Variants in SH3PXD2B observed in about 807,000 individuals in gnomAD.
SH3PXD2B encodes SH3 and PX domains 2B, also known as SH3 and PX domain-containing protein 2B.
A neutral mutation model predicts 73.1 loss-of-function variants in SH3PXD2B; 37 were observed. That is an observed-to-expected ratio of 0.51 (90% CI 0.39 to 0.67). The LOEUF (loss-of-function observed/expected upper bound fraction) is 0.67. SH3PXD2B is among the 30% of genes least tolerant of loss of function. The pLI is 0.00. For synonymous variants in SH3PXD2B, 457 were observed against 480.5 expected, an observed-to-expected ratio of 0.95 and a Z score of 0.64; for missense variants, 1,053 against 1,197.8, an observed-to-expected ratio of 0.88 and a Z score of 1.78.
Position 172,368,885 on chromosome 5 carries a change from A to T in SH3PXD2B, c.427+4905T>A, listed in dbSNP as rs866376608. ...TATATGTTTTTAAATATATAATATA[A>T]AAAAAAATATATATATATATATTTT... On this transcript the variant is annotated intron_variant, in intron 6 of 12. Coordinates refer to ENST00000311601, the MANE Select transcript of SH3PXD2B (RefSeq NM_001017995.3). Among the ~76,000 whole-genome samples the T allele has an allele frequency of 1.0e-3, 128 of 126,576 alleles. 1 individual carries two copies. Among genetic ancestry groups the T allele is most frequent in the African/African-American group, 1.8e-3 (57 of 31,274 alleles). The allele number at this position is 126,576 out of a possible 152,430, so 83.0% of individuals were successfully genotyped here. A position where few individuals can be genotyped will look rare whatever the true frequency, so the allele number is the denominator to read the frequency against.
At chr5:172,422,758 A>T (rs1386634559) in intron 1 of SH3PXD2B, among the ~76,000 whole-genome samples, 1 of 152,212 alleles carries the variant, frequency 6.6e-6, no homozygotes, top group Non-Finnish European at 1.5e-5. Flanking sequence ...GCTCAGGAGA[A>T]GCTGCTGTTT....
intron 4 of SH3PXD2B, among the ~76,000 whole-genome samples, chr5:172,391,088 G>A (rs558543833): frequency 5.3e-5 from 8 of 152,062 alleles, no homozygotes; most frequent in Middle Eastern, 3.4e-3. Context: ...TGATCCACCC[G>A]CCTCAGCCTC....
At chr5:172,409,709 TTTTTC>T (rs947797451) in intron 2 of SH3PXD2B, among the ~76,000 whole-genome samples, 1 of 152,194 alleles carries the variant, frequency 6.6e-6, no homozygotes, top group Non-Finnish European at 1.5e-5. Flanking sequence ...TTTCTTTTTC[TTTTTC>T]TTTTCTTTTC....
intron 5 of SH3PXD2B, among the ~76,000 whole-genome samples, chr5:172,381,126 A>T (rs1323116729): frequency 2.6e-5 from 4 of 152,258 alleles, no homozygotes; most frequent in Non-Finnish European, 5.9e-5. Flanking sequence ...TGCTTGGCAC[A>T]CTGCCCGCCA....
intron 10 of SH3PXD2B, among the ~76,000 whole-genome samples, chr5:172,348,682 T>TCTATCTATCTATCTATCTATCTATC (rs1757075479): frequency 2.3e-5 from 1 of 43,614 alleles, no homozygotes. Context: ...TATCTATCTA[T>TCTATCTATCTATCTATCTATCTATC]CTATCTATCT....
chr5:172,378,827 T>C (rs1757877166), intron 5 of SH3PXD2B, among the ~76,000 whole-genome samples: 1 of 152,016 alleles, frequency 6.6e-6, no homozygotes, highest in Admixed American at 6.5e-5. Flanking sequence ...TCCCAGCACT[T>C]TGGGAGGCCA....
intron 2 of SH3PXD2B, among the ~76,000 whole-genome samples, chr5:172,416,351 G>A (rs897571788): frequency 4.1e-5 from 6 of 148,056 alleles, no homozygotes; most frequent in East Asian, 2.0e-4. Flanking sequence ...TTTTTGAGAC[G>A]GAGTTTCGCT....
rs376006868 is a variant in SH3PXD2B at position 172,349,383 on chromosome 5, C to T, written c.1012+980G>A. Among the ~76,000 whole-genome samples, 10 of 152,368 alleles carry T rather than the reference C, an allele frequency of 6.6e-5. No individual in the cohort carries two copies. In the East Asian group the frequency reaches 1.5e-3, roughly 23 times the overall value. ...ACTGTGCGTAAGTCCTGGGCACCAG[C>T]GTGCCCATGCAGACATGGTATGGTA... On this transcript the variant is annotated intron_variant, in intron 10 of 12. Coordinates refer to ENST00000311601, the MANE Select transcript of SH3PXD2B (RefSeq NM_001017995.3).
At chr5:172,328,440 C>T (rs1035431) in intron 12 of SH3PXD2B, among the ~76,000 whole-genome samples, 90,166 of 151,860 alleles carry the variant, frequency 0.59, 27,453 homozygotes, top group South Asian at 0.83. Flanking sequence ...CTCAAATGAT[C>T]CTCCTGCCTT....
chr5:172,341,010 T>C (rs1193507614), intron 12 of SH3PXD2B, among the ~76,000 whole-genome samples: 1 of 152,196 alleles, frequency 6.6e-6, no homozygotes. Context: ...GTGTCCCTAC[T>C]TCCCTGTGGG....
Position 172,336,887 on chromosome 5 carries a change from G to A in SH3PXD2B, c.*1482C>T, listed in dbSNP as rs899238785. 3.0e-6 allele frequency: 3 copies of A among 985,306 alleles called. No individual in the cohort carries two copies. In the African/African-American group the frequency reaches 5.2e-5, roughly 17 times the overall value. 61.0% of individuals were successfully genotyped at this position (985,306 alleles called of 1,614,324 possible). A position where few individuals can be genotyped will look rare whatever the true frequency, so the allele number is the denominator to read the frequency against. On this transcript the variant is annotated 3_prime_UTR_variant, in exon 13 of 13. Coordinates refer to ENST00000311601, the MANE Select transcript of SH3PXD2B (RefSeq NM_001017995.3). The stretch of plus-strand genomic sequence containing the variant: ...CACATCTGCCCTGGGTTTCTTCAAG[G>A]GAGAAAACAGATTTGGCAGTGCGTG...
chr5:172,436,786 C>T (rs1759398944), intron 1 of SH3PXD2B, among the ~76,000 whole-genome samples: 2 of 152,234 alleles, frequency 1.3e-5, no homozygotes, highest in Admixed American at 6.5e-5. Flanking sequence ...TTGCTAAAGC[C>T]GTCCTGCTCT....
intron 5 of SH3PXD2B, among the ~76,000 whole-genome samples, chr5:172,380,120 C>T (rs565801819): frequency 6.6e-6 from 1 of 152,104 alleles, no homozygotes; most frequent in African/African-American, 2.4e-5. Flanking sequence ...GCAGTGGCGG[C>T]GATCACTGCT....
chr5:172,361,612 C>T (rs1012427842), intron 7 of SH3PXD2B, among the ~76,000 whole-genome samples: 10 of 152,200 alleles, frequency 6.6e-5, no homozygotes, highest in African/African-American at 2.4e-4. Flanking sequence ...ACAATCTGCA[C>T]ACACTCATTC....
chr5:172,328,645 G>A (rs1284654016), downstream of SH3PXD2B, among the ~76,000 whole-genome samples: 3 of 152,130 alleles, frequency 2.0e-5, no homozygotes, highest in Non-Finnish European at 4.4e-5. Flanking sequence ...TCTGGCTTAG[G>A]TGTGGTGCCT....
At chr5:172,357,788 A>G (rs948806417) in intron 8 of SH3PXD2B, among the ~76,000 whole-genome samples, 3 of 152,230 alleles carry the variant, frequency 2.0e-5, no homozygotes, top group Non-Finnish European at 2.9e-5. Flanking sequence ...ATACAACTGA[A>G]TGCAAAAACC....
At chr5:172,358,314 G>A (rs889657680) in intron 8 of SH3PXD2B, among the ~76,000 whole-genome samples, 4 of 152,236 alleles carry the variant, frequency 2.6e-5, no homozygotes, top group Non-Finnish European at 4.4e-5. Context: ...GGGAAACAAC[G>A]GAAGTGTGTC....
Position 172,338,335 on chromosome 5 carries a change from G to C in SH3PXD2B, c.*34C>G, listed in dbSNP as rs1429987544. On this transcript the variant is annotated 3_prime_UTR_variant, in exon 13 of 13. Transcript: ENST00000311601. The surrounding 1 kb of genome is among the most constrained non-coding windows in gnomAD (Gnocchi z 5.1). ...TAAATACGTGGGTAAAGCCAGCAAG[G>C]ACCAGCGGGCCCTCTAGGCAGAAAG... 1 of 1,613,562 alleles carries C rather than the reference G, an allele frequency of 6.2e-7. No individual in the cohort carries two copies. Among genetic ancestry groups the C allele is most frequent in the Non-Finnish European group, 8.5e-7 (1 of 1,180,042 alleles).
intron 10 of SH3PXD2B, among the ~76,000 whole-genome samples, chr5:172,348,306 G>A (rs1248844082): frequency 6.6e-6 from 1 of 152,052 alleles, no homozygotes; most frequent in Non-Finnish European, 1.5e-5. Flanking sequence ...CAGAAGGAAT[G>A]CAACCTGGGA....
Sources: allele counts gnomAD v4.1 joint callset (sites outside exome capture counted in the v4.1 genomes callset), GRCh38; gene constraint gnomAD v4.1.1; non-coding constraint Gnocchi (gnomAD v3.1); transcripts MANE v1.5; gene names NCBI Gene and HGNC (gene_info 2026-07-23, HGNC 2026-07-21).